Variants in ZNF462 observed in about 807,000 individuals in gnomAD.
The protein encoded by ZNF462 is zinc finger PBX1-interacting protein.
A neutral mutation model predicts 201.9 loss-of-function variants in ZNF462; 10 were observed. The ratio of observed to expected loss-of-function variants is 0.05; its 90% CI spans 0.03 to 0.08. ZNF462 has a LOEUF of 0.08. Ranked by LOEUF, ZNF462 falls within the 10% of genes least tolerant of loss-of-function variation. The pLI, the probability that ZNF462 is intolerant of heterozygous loss-of-function variation, is 1.00. For missense variants in ZNF462, 2,523 were observed against 3,168.3 expected (o/e 0.80, Z 4.89); for synonymous variants, 1,227 against 1,193.3 (o/e 1.03, Z -0.58).
rs187789280 is a variant in ZNF462 at position 106,935,147 on chromosome 9, A to G, written c.6117-356A>G. On this transcript the variant is annotated intron_variant, in intron 5 of 12. Coordinates refer to ENST00000277225, the MANE Select transcript of ZNF462 (RefSeq NM_021224.6). This position sits in a 1 kb window ranked among gnomAD's most constrained non-coding sequence, Gnocchi z 4.1. ...AGAGGACTAATTGATAGGCACTCTC[A>G]CTGGCTTGGCAGGAAGCTTGAATTC... Among the ~76,000 whole-genome samples the G allele has an allele frequency of 6.6e-6, 1 of 152,322 alleles. No individual in the cohort carries two copies. Among genetic ancestry groups the G allele is most frequent in the Admixed American group, 6.5e-5 (1 of 15,300 alleles).
intron 1 of ZNF462, among the ~76,000 whole-genome samples, chr9:106,899,224 G>GT (rs1828943470): frequency 1.0e-5 from 1 of 99,362 alleles, no homozygotes; most frequent in South Asian, 4.5e-4. Flanking sequence ...GAATGTGTGT[G>GT]TATGTGTGTG....
intron 9 of ZNF462, chr9:106,975,101 C>T (rs1367247657): frequency 6.6e-6 from 1 of 152,182 alleles, no homozygotes; most frequent in East Asian, 1.9e-4. Flanking sequence ...TCTGTTTCGT[C>T]CTGAAAAGAT....
intron 6 of ZNF462, among the ~76,000 whole-genome samples, chr9:106,936,565 C>T (rs140667868): frequency 1.6e-3 from 239 of 152,320 alleles, no homozygotes; most frequent in Admixed American, 3.7e-3. Flanking sequence ...AGGAATGGGA[C>T]AGGGAAGTTA....
chr9:106,939,605 G>A (rs995439444), intron 7 of ZNF462, among the ~76,000 whole-genome samples: 1 of 152,130 alleles, frequency 6.6e-6, no homozygotes, highest in African/African-American at 2.4e-5. Flanking sequence ...GGTGACATAG[G>A]GATTTCTTAC....
rs747303294 is a variant in ZNF462 at position 107,010,924 on chromosome 9, A to G, written c.7415A>G (p.Asp2472Gly). Residue 2472 changes from aspartate to glycine, a missense_variant, in exon 13 of 13, where the codon GAC becomes GGC. This residue lies in a region of ZNF462 where 67 missense variants were observed against 63.2 expected (regional missense o/e 1.06). Coordinates refer to ENST00000277225, the MANE Select transcript of ZNF462 (RefSeq NM_021224.6). The surrounding 1 kb of genome is among the most constrained non-coding windows in gnomAD (Gnocchi z 4.6). ...KMPSIEEKEDDEAIGIDFSLK... is the reference protein window; with the variant it reads ...KMPSIEEKEDGEAIGIDFSLK... ...CCCTCCATAGAGGAAAAGGAAGATG[A>G]CGAGGCCATTGGGATAGACTTTTCC... 22 of 1,613,816 alleles carry G rather than the reference A, an allele frequency of 1.4e-5. No individual in the cohort carries two copies. In the Admixed American group the frequency reaches 3.5e-4, roughly 26 times the overall value.
At chr9:106,951,757 T>C (rs948324722) in intron 7 of ZNF462, among the ~76,000 whole-genome samples, 1 of 152,074 alleles carries the variant, frequency 6.6e-6, no homozygotes, top group Non-Finnish European at 1.5e-5. Context: ...ACCCCAGGCC[T>C]TCTTGCTTGC....
chr9:107,003,379 A>T lies in ZNF462; in HGVS notation c.7142A>T (p.Asp2381Val). 1 of 1,613,902 alleles carries T rather than the reference A, an allele frequency of 6.2e-7. No homozygotes were observed. Among genetic ancestry groups the T allele is most frequent in the Non-Finnish European group, 8.5e-7 (1 of 1,179,848 alleles). The change falls in exon 11 of 13, where the codon GAT becomes GTT. Residue 2381 changes from aspartate to valine, a missense_variant. By Grantham distance (152) the Asp-to-Val change is radical. Coordinates refer to ENST00000277225, the MANE Select transcript of ZNF462 (RefSeq NM_021224.6). The surrounding 1 kb of genome is among the most constrained non-coding windows in gnomAD (Gnocchi z 4.4). ...MKEKMESSSS[D>V]DEDKEEEMNS... ...GAGAAAATGGAGAGCTCCAGCAGCGATGATGAGGACAAGGAAGAAGAAATG... is the reference window on the plus strand; with the variant it reads ...GAGAAAATGGAGAGCTCCAGCAGCGTTGATGAGGACAAGGAAGAAGAAATG...
Position 106,972,216 on chromosome 9 carries a change from G to T in ZNF462, c.6639G>T (p.Lys2213Asn). 1 of 1,614,226 alleles carries T rather than the reference G, an allele frequency of 6.2e-7. No individual in the cohort carries two copies. The highest frequency in any genetic ancestry group is 8.5e-7 in the Non-Finnish European group (1 of 1,180,046). Residue 2213 changes from lysine to asparagine, a missense_variant, in exon 8 of 13, where the codon AAG (lysine) becomes AAT (asparagine). Coordinates refer to ENST00000277225, the MANE Select transcript of ZNF462 (RefSeq NM_021224.6). The surrounding 1 kb of genome is among the most constrained non-coding windows in gnomAD (Gnocchi z 4.8). ...GCATCAGGCGTCATTACCGGGACAA[G>T]CATGGTGGGAAGAAGCTTTTCAAGT... Reference protein sequence around the residue: ...IQSIRRHYRDKHGGKKLFKCK... With the variant: ...IQSIRRHYRDNHGGKKLFKCK...
chr9:107,009,526 T>C lies in ZNF462; in HGVS notation c.7190-19T>C, dbSNP rs1418723593. 1 of 1,613,756 alleles carries C rather than the reference T, an allele frequency of 6.2e-7. No homozygotes were observed. Among genetic ancestry groups the C allele is most frequent in the East Asian group, 2.2e-5 (1 of 44,820 alleles). On this transcript the variant is annotated intron_variant, in intron 11 of 12. Coordinates refer to ENST00000277225, the MANE Select transcript of ZNF462 (RefSeq NM_021224.6). The surrounding 1 kb of genome is among the most constrained non-coding windows in gnomAD (Gnocchi z 6.1). ...GATTCCCACAGCACACAGGTAACAC[T>C]TCTGCTTTCTCTTTGCAGAGCTGAT...
intron 7 of ZNF462, among the ~76,000 whole-genome samples, chr9:106,952,816 G>A (rs1169138794): frequency 6.6e-6 from 1 of 152,084 alleles, no homozygotes; most frequent in African/African-American, 2.4e-5. Flanking sequence ...CCATGAGACA[G>A]GAACCTCCAT....
In ZNF462 at chr9:106,864,088, CTCTCTCTCTCTCTCTCTCT is replaced by C. The variant is rs1564062640; in HGVS notation, c.-31+734_-31+752del. On this transcript the variant is annotated intron_variant, in intron 1 of 12. Transcript: ENST00000277225. ...TCTCTCTCTCTCTCTCTCTCTCTCT[CTCTCTCTCTCTCTCTCTCT>C]CTCCCTCTCCCCGAAGTTGGGATGC... Among the ~76,000 whole-genome samples the C allele has an allele frequency of 6.5e-3, 879 of 134,452 alleles. 35 individuals are homozygous for C. The highest frequency in any genetic ancestry group is 0.011 in the South Asian group (45 of 3,974). 88.2% of individuals were successfully genotyped at this position (134,452 alleles called of 152,430 possible). A position where few individuals can be genotyped will look rare whatever the true frequency, so the allele number is the denominator to read the frequency against.
At chr9:106,948,731 C>CATA (rs1831216040) in intron 7 of ZNF462, among the ~76,000 whole-genome samples, 1 of 151,622 alleles carries the variant, frequency 6.6e-6, no homozygotes, top group Admixed American at 6.6e-5. Flanking sequence ...TTTGCTCTCA[C>CATA]TATATAGGTT....
chr9:106,924,742 G>C lies in ZNF462; in HGVS notation c.830G>C (p.Arg277Thr), dbSNP rs1271800206. The C allele has an allele frequency of 6.2e-7, 1 of 1,614,054 alleles. No homozygotes were observed. The highest frequency in any genetic ancestry group is 1.3e-5 in the African/African-American group (1 of 74,998). The stretch of plus-strand genomic sequence containing the variant: ...ATGGTCAAGATCCTTTCCAGTCTCA[G>C]ACAGCAACAAGAAGGAACTAATCTA... ...RSMVKILSSL[R>T]QQQEGTNLPD... The change falls in exon 3 of 13, where the codon AGA becomes ACA. Residue 277 changes from arginine to threonine, a missense_variant. Transcript: ENST00000277225. The surrounding 1 kb of genome is among the most constrained non-coding windows in gnomAD (Gnocchi z 6.2).
chr9:106,990,587 A>G (rs1343236557), intron 10 of ZNF462, among the ~76,000 whole-genome samples: 4 of 151,968 alleles, frequency 2.6e-5, no homozygotes, highest in African/African-American at 9.7e-5. Context: ...CTTTAACGTA[A>G]TATTTTCACT....
rs981219453 is a variant in ZNF462, at chr9:106,978,454, T to A, written c.6832+4181T>A. 6.6e-6 allele frequency among the ~76,000 whole-genome samples: 1 copy of A among 151,566 alleles called. No individual in the cohort carries two copies. Among genetic ancestry groups the A allele is most frequent in the Non-Finnish European group, 1.5e-5 (1 of 68,038 alleles). On this transcript the variant is annotated intron_variant, in intron 9 of 12. Coordinates refer to ENST00000277225, the MANE Select transcript of ZNF462 (RefSeq NM_021224.6). The surrounding 1 kb of genome is among the most constrained non-coding windows in gnomAD (Gnocchi z 4.1). ...GAAGCCAGGACAAATTCTGATCAGG[T>A]TACTGATGAGACACTTATTGAATAC...
chr9:106,976,757 G>A (rs567231620), intron 9 of ZNF462: 9 of 152,290 alleles, frequency 5.9e-5, no homozygotes, highest in African/African-American at 1.4e-4. Context: ...AGCAGGTACT[G>A]TGCTAAGTGC....
rs1445980318 is a variant in ZNF462 at position 106,970,028 on chromosome 9, A to G, written c.6428-1977A>G. Among the ~76,000 whole-genome samples, 8 of 152,250 alleles carry G rather than the reference A, an allele frequency of 5.3e-5. No homozygotes were observed. Among genetic ancestry groups the G allele is most frequent in the Non-Finnish European group, 1.2e-4 (8 of 68,052 alleles). ...GCTTAAATAGAAAACATCTCAAACA[A>G]TCCATGAAATGGTAAACAAACCTGC... is the stretch of plus-strand genomic sequence containing the variant. On this transcript the variant is annotated intron_variant, in intron 7 of 12. Coordinates refer to ENST00000277225, the MANE Select transcript of ZNF462 (RefSeq NM_021224.6). The surrounding 1 kb of genome is among the most constrained non-coding windows in gnomAD (Gnocchi z 4.2).
intron 7 of ZNF462, among the ~76,000 whole-genome samples, chr9:106,946,209 C>G (rs1157890778): frequency 6.6e-6 from 1 of 152,222 alleles, no homozygotes; most frequent in African/African-American, 2.4e-5. Flanking sequence ...TTTCAAATCT[C>G]TGGGTGAACT....
chr9:106,862,645 G>T (rs1432335022), upstream of ZNF462, among the ~76,000 whole-genome samples: 2 of 151,670 alleles, frequency 1.3e-5, no homozygotes, highest in East Asian at 3.9e-4. The surrounding 1 kb of genome is among the most constrained non-coding windows in gnomAD (Gnocchi z 4.2). Flanking sequence ...CATCTCACTG[G>T]CCTGGCTCTG....
Sources: gnomAD v4.1 joint callset for allele counts (sites outside exome capture counted in the v4.1 genomes callset) on GRCh38, gnomAD v4.1.1 for gene constraint, gnomAD v4.1.1 regional missense constraint, Gnocchi (gnomAD v3.1) non-coding constraint, MANE v1.5 for transcripts, NCBI Gene and HGNC (gene_info 2026-07-23, HGNC 2026-07-21) for gene names.